The following PIAS4 variants were observed in gnomAD, a reference collection of about 807,000 sequenced individuals.
PIAS4 encodes the protein E3 SUMO-protein ligase PIAS4.
In PIAS4, 7 loss-of-function variants were observed where a neutral mutation model predicts 58.0. That is an observed-to-expected ratio of 0.12 (90% CI 0.07 to 0.23). PIAS4 has a LOEUF of 0.23. PIAS4 is among the 10% of genes least tolerant of loss of function. The probability of loss-of-function intolerance (pLI) is 1.00; values close to 1 mark genes in which losing one functional copy is unlikely to be tolerated. For synonymous variants in PIAS4, 364 were observed against 312.4 expected (o/e 1.17, Z -1.74); for missense variants, 550 against 709.5 (o/e 0.78, Z 2.55).
chr19:4,034,379 C>T (rs554366994), intron 9 of PIAS4, among the ~76,000 whole-genome samples: 21 of 152,336 alleles, frequency 1.4e-4, no homozygotes, highest in African/African-American at 5.1e-4. Context: ...GGTGGACCTC[C>T]GGTTCATGCA....
intron 3 of PIAS4, among the ~76,000 whole-genome samples, chr19:4,026,365 T>A (rs1037443760): frequency 4.0e-5 from 6 of 150,740 alleles, no homozygotes; most frequent in African/African-American, 1.2e-4. Flanking sequence ...TCTCTTGACC[T>A]CGTGATCCAC....
At chr19:4,012,467 T>C (rs1052509999) in intron 1 of PIAS4, among the ~76,000 whole-genome samples, 27 of 152,142 alleles carry the variant, frequency 1.8e-4, no homozygotes, top group Non-Finnish European at 3.2e-4. Flanking sequence ...GGAAAACATA[T>C]CTGTGGCTGA....
Position 4,019,921 on chromosome 19 carries a change from TC to T in PIAS4, c.455-4114del, listed in dbSNP as rs1356288051. Among the ~76,000 whole-genome samples, 11 of 149,050 alleles carry T rather than the reference TC, an allele frequency of 7.4e-5. No individual in the cohort carries two copies. The South Asian group carries it at 1.1e-3, about 14-fold the overall frequency. ...CCGAGCCCAGGGAGTCTGGCTTTTT[TC>T]TTTTTTTTTTTTTTGAAATGGAGTC... is the stretch of plus-strand genomic sequence containing the variant. On this transcript the variant is annotated intron_variant, in intron 2 of 10. Transcript: ENST00000262971.
Position 4,033,464 on chromosome 19 carries a change from T to C in PIAS4, c.1026T>C (p.Cys342=), listed in dbSNP as rs7255988. 1,448,818 of 1,568,564 alleles carry C rather than the reference T, an allele frequency of 0.92. 670,079 individuals are homozygous for C. The highest frequency in any genetic ancestry group is 0.97 in the East Asian group (41,277 of 42,608). The change falls in exon 9 of 11, where the codon TGT becomes TGC. Residue 342 remains cysteine, a synonymous_variant. Transcript: ENST00000262971. ...RLSVPCRAET[C]AHLQCFDAVF... is the part of the protein sequence containing the mutation. ...CCGTGCCCTGCCGGGCAGAGACCTG[T>C]GCCCACCTGCAGTGCTTCGACGCCG... is the stretch of plus-strand genomic sequence containing the variant.
At chr19:4,033,611 G>C in intron 9 of PIAS4, 31 bp downstream of exon 9, 1 of 1,561,980 alleles carries the variant, frequency 6.4e-7, no homozygotes, top group Non-Finnish European at 8.7e-7. Flanking sequence ...AGGGCGGCCG[G>C]AGCCGGACAT....
intron 1 of PIAS4, among the ~76,000 whole-genome samples, chr19:4,008,523 C>T (rs978401039): frequency 2.6e-5 from 4 of 152,196 alleles, no homozygotes; most frequent in African/African-American, 9.6e-5. Context: ...TGGGCCCTCC[C>T]TTTCCCTCCC....
intron 2 of PIAS4, among the ~76,000 whole-genome samples, chr19:4,021,742 CTTTTTTTTTTT>C (rs776416490): frequency 9.6e-6 from 1 of 104,086 alleles, no homozygotes; most frequent in Non-Finnish European, 2.0e-5. Context: ...TTTTCTTTTT[CTTTTTTTTTTT>C]TTTTTTTTTT....
At chr19:4,026,502 G>C (rs959420534) in intron 3 of PIAS4, among the ~76,000 whole-genome samples, 3 of 151,480 alleles carry the variant, frequency 2.0e-5, no homozygotes, top group Non-Finnish European at 4.4e-5. Flanking sequence ...GGGTGTCATC[G>C]AGTGGGTTCT....
chr19:4,026,126 T>TTTCTTA (rs925080054), intron 3 of PIAS4, among the ~76,000 whole-genome samples: 1 of 147,444 alleles, frequency 6.8e-6, no homozygotes, highest in African/African-American at 2.6e-5. Flanking sequence ...CTTCTGGACA[T>TTTCTTA]TTCTTTTTCT....
intron 2 of PIAS4, among the ~76,000 whole-genome samples, chr19:4,023,028 G>A (rs993125655): frequency 2.0e-5 from 3 of 150,928 alleles, no homozygotes; most frequent in Admixed American, 6.6e-5. Flanking sequence ...AAAATTAGCC[G>A]GGCGTGGTGG....
In PIAS4 at chr19:4,037,749, G is replaced by A. The variant is rs201184367; in HGVS notation, c.1407G>A (p.Thr469=). The change falls in exon 11 of 11, where the codon ACG becomes ACA. Residue 469 remains threonine, a synonymous_variant. Transcript: ENST00000262971. The surrounding 1 kb of genome is among the most constrained non-coding windows in gnomAD (Gnocchi z 5.8). ...CGGGCGCCGATGTGGTGGACCTCAC[G>A]CTGGACAGCTCATCGTCCTCGGAGG... ...GKPGADVVDL[T]LDSSSSSEDE... 5.4e-4 allele frequency: 877 copies of A among 1,610,188 alleles called. No homozygotes were observed. The highest frequency in any genetic ancestry group is 4.5e-3 in the Middle Eastern group (27 of 6,056).
In PIAS4 at chr19:4,037,998, C is replaced by T. The variant is rs1283262658; in HGVS notation, c.*123C>T. ...ATTGTCGTTCGTTTTGTTTTTCCAC[C>T]CTTTTGCCTGGCTCCTGGCACCTGT... On this transcript the variant is annotated 3_prime_UTR_variant, in exon 11 of 11. Transcript: ENST00000262971. This position sits in a 1 kb window ranked among gnomAD's most constrained non-coding sequence, Gnocchi z 5.8. The T allele has an allele frequency of 2.8e-6, 3 of 1,083,416 alleles. No homozygotes were observed. The highest frequency in any genetic ancestry group is 1.3e-6 in the Non-Finnish European group (1 of 767,466). The allele number at this position is 1,083,416 out of a possible 1,614,324, so 67.1% of individuals were successfully genotyped here.
At chr19:4,024,233 TC>T in intron 3 of PIAS4, 113 bp downstream of exon 3, 2 of 777,468 alleles carry the variant, frequency 2.6e-6, no homozygotes, top group Non-Finnish European at 4.4e-6. Flanking sequence ...TCGGGCTCAG[TC>T]CAGAACCGTG....
intron 1 of PIAS4, among the ~76,000 whole-genome samples, chr19:4,010,639 G>A (rs997079883): frequency 6.6e-6 from 1 of 152,222 alleles, no homozygotes; most frequent in Non-Finnish European, 1.5e-5. Flanking sequence ...GAACACCCTT[G>A]GGAGGCCAGA....
chr19:4,033,598 G>A lies in PIAS4; in HGVS notation c.1142+18G>A, dbSNP rs2040245992. 1.9e-6 allele frequency: 3 copies of A among 1,583,414 alleles called. No individual in the cohort carries two copies. The highest frequency in any genetic ancestry group is 4.6e-5 in the East Asian group (2 of 43,688). ...ATCGACGGGTGAGCCCGGGGCCCCGGGGAGGGCGGCCGGAGCCGGACATCC... is the reference window on the plus strand; with the variant it reads ...ATCGACGGGTGAGCCCGGGGCCCCGAGGAGGGCGGCCGGAGCCGGACATCC... On this transcript the variant is annotated intron_variant, in intron 9 of 10. Coordinates refer to ENST00000262971, the MANE Select transcript of PIAS4 (RefSeq NM_015897.4).
chr19:4,018,680 A>T (rs955168049), intron 2 of PIAS4: 2 of 152,244 alleles, frequency 1.3e-5, no homozygotes, highest in Non-Finnish European at 2.9e-5. Flanking sequence ...CAGTGGCCCA[A>T]CAAGAAGGAG....
intron 8 of PIAS4, 121 bp downstream of exon 8, chr19:4,033,294 GTCCC>G: frequency 7.5e-7 from 1 of 1,335,540 alleles, no homozygotes; most frequent in Non-Finnish European, 1.0e-6. Context: ...GCTGGTCTTC[GTCCC>G]CTCCGTGTTC....
chr19:4,032,362 G>A (rs1172349192), intron 7 of PIAS4, among the ~76,000 whole-genome samples: 1 of 152,122 alleles, frequency 6.6e-6, no homozygotes, highest in Non-Finnish European at 1.5e-5. Context: ...TGCCCCCCAT[G>A]GCCCAGGGCT....
At chr19:4,031,582 GAGGAGGCTGGGGCCGGGC>G (rs768385650) in intron 7 of PIAS4, among the ~76,000 whole-genome samples, 6 of 152,194 alleles carry the variant, frequency 3.9e-5, no homozygotes, top group Admixed American at 3.3e-4. Context: ...CAACTTGAGG[GAGGAGGCTGGGGCCGGGC>G]AGGCCTCTTC....
Sources: allele counts gnomAD v4.1 joint callset (sites outside exome capture counted in the v4.1 genomes callset), GRCh38; gene constraint gnomAD v4.1.1; non-coding constraint Gnocchi (gnomAD v3.1); transcripts MANE v1.5; gene names NCBI Gene and HGNC (gene_info 2026-07-23, HGNC 2026-07-21).